The following METTL24 variants were observed in gnomAD, a reference collection of about 807,000 sequenced individuals.
METTL24 encodes the protein methyltransferase like 24.
METTL24 carries 29 observed loss-of-function variants against 32.7 expected under a neutral mutation model. That is an observed-to-expected ratio of 0.89 (90% confidence interval 0.66 to 1.21). The LOEUF (loss-of-function observed/expected upper bound fraction) is 1.21, where lower values mean the gene tolerates loss of function less well. Ranked by LOEUF, METTL24 falls within the 50% of genes most tolerant of loss-of-function variation. METTL24 has a pLI of 0.00. For missense variants in METTL24, 439 were observed against 468.1 expected (o/e 0.94, Z 0.57); for synonymous variants, 163 against 179.5 (o/e 0.91, Z 0.73).
chr6:110,321,947 G>C (rs1172995477), intron 2 of METTL24, among the ~76,000 whole-genome samples: 1 of 152,228 alleles, frequency 6.6e-6, no homozygotes, highest in African/African-American at 2.4e-5. Context: ...TGCAGCACCA[G>C]CTCCACTGTG....
At chr6:110,285,984 A>G (rs868859874) in intron 4 of METTL24, among the ~76,000 whole-genome samples, 2 of 152,234 alleles carry the variant, frequency 1.3e-5, no homozygotes, top group Middle Eastern at 3.2e-3. Context: ...CAAAGAAGCC[A>G]TAGTCAGTCA....
At position 110,287,417 on chromosome 6, in the gene METTL24, G is replaced by T. The variant is rs143781198; in HGVS notation, c.786+11505C>A. The stretch of plus-strand genomic sequence containing the variant: ...CACTGGCTTATTTCACAGAAACACA[G>T]CACCTTCCTGATTAAATCACAATTC... On this transcript the variant is annotated intron_variant, in intron 4 of 4. Transcript: ENST00000338882. Among the ~76,000 whole-genome samples, 477 of 152,226 alleles carry T rather than the reference G, an allele frequency of 3.1e-3. 3 individuals are homozygous for T. The highest frequency in any genetic ancestry group is 0.01 in the African/African-American group (428 of 41,542).
At chr6:110,329,198 G>C (rs1339309773) in intron 1 of METTL24, among the ~76,000 whole-genome samples, 4 of 152,088 alleles carry the variant, frequency 2.6e-5, no homozygotes, top group African/African-American at 9.7e-5. Flanking sequence ...GCTCCTGAAG[G>C]GTTTTAAAAC....
intron 1 of METTL24, among the ~76,000 whole-genome samples, chr6:110,332,248 G>A (rs900046648): frequency 6.6e-6 from 1 of 152,200 alleles, no homozygotes; most frequent in South Asian, 2.1e-4. Context: ...TGATAAGTTG[G>A]AAAGAGTGGC....
intron 4 of METTL24, among the ~76,000 whole-genome samples, chr6:110,285,999 TC>T (rs1428195554): frequency 3.3e-5 from 5 of 152,182 alleles, no homozygotes; most frequent in Non-Finnish European, 7.4e-5. Flanking sequence ...CAGTCATCAT[TC>T]TCCATAAAAT....
chr6:110,334,584 G>A (rs574165896), intron 1 of METTL24, among the ~76,000 whole-genome samples: 63 of 152,312 alleles, frequency 4.1e-4, no homozygotes, highest in African/African-American at 1.5e-3. Context: ...GCCACGAGTA[G>A]ACAGGCCCAG....
intron 4 of METTL24, among the ~76,000 whole-genome samples, chr6:110,252,444 A>T (rs78109489): frequency 0.028 from 4,229 of 152,112 alleles, 224 homozygotes; most frequent in African/African-American, 0.095. Context: ...CACCCTTATG[A>T]CCTCATTTAA....
chr6:110,343,321 G>A (rs1460260011), intron 1 of METTL24, among the ~76,000 whole-genome samples: 1 of 152,204 alleles, frequency 6.6e-6, no homozygotes, highest in Non-Finnish European at 1.5e-5. Flanking sequence ...GCTAGGATGA[G>A]GGGACCAGCA....
At chr6:110,277,800 ACTTAT>A (rs1771072852) in intron 4 of METTL24, among the ~76,000 whole-genome samples, 5 of 152,164 alleles carry the variant, frequency 3.3e-5, no homozygotes, top group Admixed American at 1.3e-4. Flanking sequence ...GATTACAAAC[ACTTAT>A]CTTAGCATGT....
At chr6:110,262,225 T>C (rs1324852830) in intron 4 of METTL24, among the ~76,000 whole-genome samples, 3 of 151,748 alleles carry the variant, frequency 2.0e-5, no homozygotes, top group Non-Finnish European at 2.9e-5. Context: ...GCTAGCAAGA[T>C]TAATAAAAAA....
At chr6:110,342,625 T>C (rs973753913) in intron 1 of METTL24, among the ~76,000 whole-genome samples, 15 of 152,212 alleles carry the variant, frequency 9.9e-5, no homozygotes, top group African/African-American at 3.6e-4. Context: ...TATATACAGC[T>C]TGTGCAACTG....
intron 4 of METTL24, among the ~76,000 whole-genome samples, chr6:110,273,006 T>G (rs528027350): frequency 6.6e-6 from 1 of 152,162 alleles, no homozygotes; most frequent in Non-Finnish European, 1.5e-5. Context: ...CTGTTGCATC[T>G]GCTTGGGGGT....
At chr6:110,322,599 G>A (rs762931336) in intron 2 of METTL24, 175 bp downstream of exon 2, 4 of 483,228 alleles carry the variant, frequency 8.3e-6, no homozygotes, top group Non-Finnish European at 1.5e-5. Context: ...CAAATGGAAG[G>A]TATCTTATCT....
At chr6:110,353,455 A>G (rs1772648830) in intron 1 of METTL24, among the ~76,000 whole-genome samples, 2 of 152,186 alleles carry the variant, frequency 1.3e-5, no homozygotes, top group Admixed American at 6.5e-5. Flanking sequence ...CTTGATGACA[A>G]TCACAGAATT....
intron 3 of METTL24, among the ~76,000 whole-genome samples, chr6:110,301,486 T>G (rs1364183070): frequency 6.6e-6 from 1 of 152,198 alleles, no homozygotes; most frequent in South Asian, 2.1e-4. Context: ...TCCTAGGCCT[T>G]CAGTGCTTCT....
intron 1 of METTL24, among the ~76,000 whole-genome samples, chr6:110,341,093 T>C (rs1399528858): frequency 6.6e-6 from 1 of 152,168 alleles, no homozygotes; most frequent in Non-Finnish European, 1.5e-5. Flanking sequence ...AATATACACA[T>C]ATTTATTTTA....
At chr6:110,295,841 G>GGAAA (rs1165460076) in intron 4 of METTL24, among the ~76,000 whole-genome samples, 4 of 149,470 alleles carry the variant, frequency 2.7e-5, no homozygotes, top group African/African-American at 9.7e-5. Context: ...AAGGAAGGAA[G>GGAAA]GTTCTCTATA....
chr6:110,355,172 T>C (rs1454618899), intron 1 of METTL24, among the ~76,000 whole-genome samples: 1 of 152,142 alleles, frequency 6.6e-6, no homozygotes, highest in Non-Finnish European at 1.5e-5. Context: ...TCAGACTCTT[T>C]CTGTTGTCAT....
chr6:110,334,739 T>C (rs1772179629), intron 1 of METTL24, among the ~76,000 whole-genome samples: 1 of 152,238 alleles, frequency 6.6e-6, no homozygotes, highest in Non-Finnish European at 1.5e-5. Flanking sequence ...TATGTATTTC[T>C]CAGTTCTCAG....
Sources: allele counts gnomAD v4.1 joint callset (sites outside exome capture counted in the v4.1 genomes callset), GRCh38; gene constraint gnomAD v4.1.1; transcripts MANE v1.5; gene names NCBI Gene and HGNC (gene_info 2026-07-23, HGNC 2026-07-21).